Variants in MYO9A observed in about 807,000 individuals in gnomAD.
MYO9A encodes myosin IXA.
Under a neutral mutation model 293.3 loss-of-function variants are expected in MYO9A, and 103 were observed. The observed-to-expected ratio is 0.35, with a 90% CI of 0.30 to 0.41. The LOEUF is 0.41. Among genes scored for constraint, MYO9A ranks in the 10% least tolerant of loss-of-function variants. MYO9A has a pLI of 1.00. For missense variants in MYO9A, 2,685 were observed against 3,033.0 expected, an observed-to-expected ratio of 0.89 and a Z score of 2.69; for synonymous variants, 1,001 against 1,035.7, an observed-to-expected ratio of 0.97 and a Z score of 0.64.
intron 3 of MYO9A, among the ~76,000 whole-genome samples, chr15:72,030,420 G>A (rs145918738): frequency 6.6e-6 from 1 of 151,968 alleles, no homozygotes. Flanking sequence ...TTATTCATGG[G>A]GGATACATTC....
chr15:72,033,016 A>G (rs1566967164), intron 2 of MYO9A, among the ~76,000 whole-genome samples: 3 of 151,844 alleles, frequency 2.0e-5, no homozygotes, highest in African/African-American at 7.3e-5. Context: ...AAGCCTGGCT[A>G]TTTTTTTGTA....
At chr15:72,071,904 A>G (rs1429499743) in intron 1 of MYO9A, among the ~76,000 whole-genome samples, 2 of 151,906 alleles carry the variant, frequency 1.3e-5, no homozygotes, top group Non-Finnish European at 2.9e-5. Context: ...AAATTTTTCT[A>G]TCAAAAAGAT....
intron 1 of MYO9A, among the ~76,000 whole-genome samples, chr15:72,085,011 C>T (rs2079670920): frequency 6.6e-6 from 1 of 152,168 alleles, no homozygotes; most frequent in Admixed American, 6.5e-5. Context: ...ATTCTTTTAT[C>T]CATATTCCTG....
At chr15:72,078,535 CA>C in intron 1 of MYO9A, among the ~76,000 whole-genome samples, 1 of 151,472 alleles carries the variant, frequency 6.6e-6, no homozygotes, top group East Asian at 2.0e-4. Flanking sequence ...AGACAGAAAT[CA>C]GACACAGTGG....
chr15:72,094,366 A>ATTTTTT (rs3028399), intron 1 of MYO9A, among the ~76,000 whole-genome samples: 24,408 of 87,276 alleles, frequency 0.28, 8,066 homozygotes, highest in African/African-American at 0.5. Flanking sequence ...ACAGATAGTG[A>ATTTTTT]TTTTTTAACA....
intron 27 of MYO9A, among the ~76,000 whole-genome samples, chr15:71,885,056 G>A (rs2056981894): frequency 1.3e-5 from 2 of 149,312 alleles, no homozygotes; most frequent in South Asian, 4.2e-4. Flanking sequence ...AAAAACAACA[G>A]TATCTCTCTG....
intron 19 of MYO9A, among the ~76,000 whole-genome samples, chr15:71,906,961 A>T (rs1341144674): frequency 7.0e-6 from 1 of 143,054 alleles, no homozygotes. Context: ...TTATTATTAT[A>T]CTTTAAGTGT....
chr15:72,107,148 G>C (rs930515562), intron 1 of MYO9A, among the ~76,000 whole-genome samples: 13 of 152,266 alleles, frequency 8.5e-5, no homozygotes, highest in African/African-American at 3.1e-4. Context: ...TGTTAAACTT[G>C]AGTAAGAATT....
At chr15:72,113,395 G>C in intron 1 of MYO9A, among the ~76,000 whole-genome samples, 1 of 152,178 alleles carries the variant, frequency 6.6e-6, no homozygotes, top group East Asian at 1.9e-4. Flanking sequence ...TAAAAGACGA[G>C]AGAGAAAGCA....
chr15:71,851,628 G>A (rs986016480), intron 36 of MYO9A, among the ~76,000 whole-genome samples: 1 of 152,162 alleles, frequency 6.6e-6, no homozygotes. Context: ...CAGTCATTGT[G>A]TAGCAGATTG....
At chr15:71,832,836 TACAC>T (rs1027976726) in intron 39 of MYO9A, among the ~76,000 whole-genome samples, 85 of 152,234 alleles carry the variant, frequency 5.6e-4, no homozygotes, top group African/African-American at 1.9e-3. Context: ...ATAATTAAGA[TACAC>T]AACAACAAGA....
At chr15:72,101,368 C>T (rs1306052045) in intron 1 of MYO9A, among the ~76,000 whole-genome samples, 1 of 146,252 alleles carries the variant, frequency 6.8e-6, no homozygotes. Flanking sequence ...CGGCCAGCCG[C>T]CCCATCTGGG....
At chr15:71,862,432 A>G (rs185550098) in intron 33 of MYO9A, 68 bp downstream of exon 33, 1 of 1,240,058 alleles carries the variant, frequency 8.1e-7, no homozygotes. Flanking sequence ...TAAAGGAGAT[A>G]TAAGACAACT....
chr15:72,104,202 A>G (rs1385175770), intron 1 of MYO9A, among the ~76,000 whole-genome samples: 1 of 152,212 alleles, frequency 6.6e-6, no homozygotes, highest in African/African-American at 2.4e-5. Context: ...CTGATCCTCA[A>G]TAGTATATAC....
chr15:72,077,752 A>AATAT (rs60977581), intron 1 of MYO9A, among the ~76,000 whole-genome samples: 99 of 72,446 alleles, frequency 1.4e-3, no homozygotes, highest in East Asian at 5.4e-3. Context: ...AAAAAAAAAA[A>AATAT]ATATATATAT....
At chr15:71,828,085 G>GA (rs1287602522) in intron 40 of MYO9A, 59 bp from the exon 41 acceptor site, 31 of 1,535,576 alleles carry the variant, frequency 2.0e-5, no homozygotes, top group East Asian at 1.2e-4. Flanking sequence ...GAAGATAACA[G>GA]AAAAAAAGAT....
intron 15 of MYO9A, among the ~76,000 whole-genome samples, chr15:71,941,437 AAACAAC>A (rs566295762): frequency 2.6e-5 from 4 of 151,994 alleles, no homozygotes; most frequent in Admixed American, 6.6e-5. Context: ...TCCATCTCAA[AAACAAC>A]AACAACAACA....
intron 1 of MYO9A, among the ~76,000 whole-genome samples, chr15:72,063,359 C>T (rs538192492): frequency 6.6e-6 from 1 of 152,252 alleles, no homozygotes; most frequent in African/African-American, 2.4e-5. Flanking sequence ...TTGAGTAATA[C>T]CCCAAAAGCA....
At chr15:71,923,329 ATTTTC>A (rs558078219) in intron 18 of MYO9A, among the ~76,000 whole-genome samples, 34 of 152,078 alleles carry the variant, frequency 2.2e-4, no homozygotes, top group Admixed American at 6.6e-4. Context: ...CTGTCCTACA[ATTTTC>A]TTTTTTGTTG....
Sources: gnomAD v4.1 joint callset for allele counts (sites outside exome capture counted in the v4.1 genomes callset) on GRCh38, gnomAD v4.1.1 for gene constraint, MANE v1.5 for transcripts, NCBI Gene and HGNC (gene_info 2026-07-23, HGNC 2026-07-21) for gene names.